Variants in KDM4C observed in about 807,000 individuals in gnomAD.
KDM4C encodes the protein lysine demethylase 4C, also known as lysine-specific demethylase 4C.
A neutral mutation model predicts 129.3 loss-of-function variants in KDM4C; 81 were observed. The observed-to-expected ratio is 0.63, with a 90% confidence interval of 0.52 to 0.75. The LOEUF is 0.75. Among genes scored for constraint, KDM4C ranks in the 30% least tolerant of loss-of-function variants. The pLI, the probability that KDM4C is intolerant of heterozygous loss-of-function variation, is 0.00. For synonymous variants in KDM4C, 573 were observed against 456.1 expected (o/e 1.26, Z -3.26); for missense variants, 1,457 against 1,304.0 (o/e 1.12, Z -1.81).
At chr9:6,964,264 G>A (rs1443485634) in intron 8 of KDM4C, among the ~76,000 whole-genome samples, 1 of 146,816 alleles carries the variant, frequency 6.8e-6, no homozygotes, top group Non-Finnish European at 1.5e-5. Flanking sequence ...AACAGGCCCA[G>A]GTGTGTGATA....
chr9:6,829,444 A>C (rs752883672), intron 4 of KDM4C, among the ~76,000 whole-genome samples: 14 of 152,244 alleles, frequency 9.2e-5, no homozygotes, highest in Non-Finnish European at 1.3e-4. Flanking sequence ...TCAGAGGTGA[A>C]AAGTGAGAGT....
chr9:6,813,731 T>G (rs1027159441), intron 3 of KDM4C, among the ~76,000 whole-genome samples: 2 of 152,196 alleles, frequency 1.3e-5, no homozygotes, highest in African/African-American at 4.8e-5. Flanking sequence ...CTGTAATTTC[T>G]ATGTGAGAGA....
intron 4 of KDM4C, among the ~76,000 whole-genome samples, chr9:6,831,969 C>T (rs541529944): frequency 4.3e-4 from 65 of 152,312 alleles, no homozygotes; most frequent in Non-Finnish European, 7.9e-4. Flanking sequence ...CTTAGGCAGT[C>T]TCTGCCATAA....
At chr9:6,857,572 G>A (rs912107405) in intron 5 of KDM4C, among the ~76,000 whole-genome samples, 9 of 152,134 alleles carry the variant, frequency 5.9e-5, no homozygotes, top group African/African-American at 2.2e-4. Flanking sequence ...GTGTTTGTGA[G>A]TTGGAAAGTC....
chr9:7,067,576 C>T (rs1309684507), intron 17 of KDM4C, among the ~76,000 whole-genome samples: 1 of 152,172 alleles, frequency 6.6e-6, no homozygotes, highest in Admixed American at 6.5e-5. Context: ...CTGTGACTTG[C>T]TTATTTGAGG....
At chr9:7,081,852 A>G (rs1834558602) in intron 17 of KDM4C, among the ~76,000 whole-genome samples, 1 of 152,116 alleles carries the variant, frequency 6.6e-6, no homozygotes. Context: ...GGCATGTATT[A>G]CCTCCGAAAT....
chr9:7,162,059 A>G (rs1427402543), intron 19 of KDM4C, among the ~76,000 whole-genome samples: 1 of 152,226 alleles, frequency 6.6e-6, no homozygotes, highest in African/African-American at 2.4e-5. Context: ...TACTAAATAA[A>G]GTTATATGCT....
chr9:6,960,740 CTT>C (rs565500271), intron 8 of KDM4C, among the ~76,000 whole-genome samples: 4 of 152,184 alleles, frequency 2.6e-5, no homozygotes, highest in Non-Finnish European at 4.4e-5. Context: ...TAAACAGTCT[CTT>C]TCTCCAAGTT....
intron 5 of KDM4C, among the ~76,000 whole-genome samples, chr9:6,870,668 A>G (rs1250353082): frequency 2.0e-5 from 3 of 152,028 alleles, no homozygotes; most frequent in African/African-American, 7.2e-5. Context: ...AGCTTATGCG[A>G]GGAATGGGGC....
chr9:6,769,146 G>C (rs1222731397), intron 1 of KDM4C, among the ~76,000 whole-genome samples: 2 of 151,642 alleles, frequency 1.3e-5, no homozygotes, highest in Non-Finnish European at 2.9e-5. Context: ...GTTTTCTTGG[G>C]TCGTTTTTAA....
intron 2 of KDM4C, among the ~76,000 whole-genome samples, chr9:6,801,689 C>T (rs529390599): frequency 1.8e-4 from 28 of 151,590 alleles, no homozygotes; most frequent in African/African-American, 2.9e-4. Flanking sequence ...ACATACACAT[C>T]GAAGAGTATT....
At chr9:7,052,596 T>C (rs1435144404) in intron 17 of KDM4C, among the ~76,000 whole-genome samples, 2 of 152,166 alleles carry the variant, frequency 1.3e-5, no homozygotes, top group Non-Finnish European at 2.9e-5. Flanking sequence ...AGGAGACATA[T>C]GATTAAATTG....
At chr9:7,048,896 G>T (rs1829777991) in intron 16 of KDM4C, among the ~76,000 whole-genome samples, 196 bp from the exon 17 acceptor site, 1 of 151,954 alleles carries the variant, frequency 6.6e-6, no homozygotes, top group South Asian at 2.1e-4. Context: ...GCACAATGTT[G>T]TTGGGCAGCT....
intron 8 of KDM4C, among the ~76,000 whole-genome samples, chr9:6,906,442 G>A (rs1278561225): frequency 6.6e-6 from 1 of 152,114 alleles, no homozygotes; most frequent in Non-Finnish European, 1.5e-5. Context: ...GGAGATTAGT[G>A]ACTCCAAGTC....
chr9:7,142,555 G>A (rs1427028490), intron 19 of KDM4C, among the ~76,000 whole-genome samples: 1 of 152,166 alleles, frequency 6.6e-6, no homozygotes, highest in Non-Finnish European at 1.5e-5. Context: ...ATGACTTACC[G>A]AGTCTTGAAC....
chr9:7,071,634 TAAAC>T (rs981066993), intron 17 of KDM4C, among the ~76,000 whole-genome samples: 22 of 152,262 alleles, frequency 1.4e-4, no homozygotes, highest in Non-Finnish European at 1.5e-5. Flanking sequence ...AATTGGATCA[TAAAC>T]AAACATCAAA....
chr9:6,851,465 T>C (rs983688563), intron 5 of KDM4C, among the ~76,000 whole-genome samples: 2 of 152,152 alleles, frequency 1.3e-5, no homozygotes, highest in African/African-American at 4.8e-5. Flanking sequence ...CTCAGCTGCT[T>C]TGTTATCTTG....
Position 7,169,875 on chromosome 9 carries a change from A to G in KDM4C, c.2979A>G (p.Arg993=). The G allele has an allele frequency of 1.9e-6, 3 of 1,614,042 alleles. No homozygotes were observed. Among genetic ancestry groups the G allele is most frequent in the Non-Finnish European group, 2.5e-6 (3 of 1,179,938 alleles). ...IYTLDEELPK[R]VKARFSTASD... ...CTTTAGATGAAGAGTTACCCAAGAG[A>G]GTGAAAGCTCGATTTGTAAGTGCTG... Residue 993 remains arginine (R), a synonymous_variant, in exon 21 of 22, where the codon AGA becomes AGG. Coordinates refer to ENST00000381309, the MANE Select transcript of KDM4C (RefSeq NM_015061.6).
upstream of KDM4C, among the ~76,000 whole-genome samples, chr9:6,757,488 C>G (rs375648184): frequency 9.2e-5 from 14 of 152,384 alleles, no homozygotes; most frequent in East Asian, 2.1e-3. Flanking sequence ...GGGAAGGAGG[C>G]TCAGTGGTCC....
Sources: allele counts gnomAD v4.1 joint callset (sites outside exome capture counted in the v4.1 genomes callset), GRCh38; gene constraint gnomAD v4.1.1; transcripts MANE v1.5; gene names NCBI Gene and HGNC (gene_info 2026-07-23, HGNC 2026-07-21).